Variants in PHACTR4 observed in about 807,000 individuals in gnomAD.
PHACTR4 encodes the protein protein phosphatase 1, regulatory subunit 124.
A neutral mutation model predicts 72.7 loss-of-function variants in PHACTR4; 51 were observed. That is an observed-to-expected ratio of 0.70 (90% CI 0.56 to 0.89). The LOEUF is 0.89. Ranked by LOEUF, PHACTR4 falls within the 40% of genes least tolerant of loss-of-function variation. The pLI is 0.00. For synonymous variants in PHACTR4, 255 were observed against 302.5 expected (o/e 0.84, Z 1.63); for missense variants, 731 against 861.8 (o/e 0.85, Z 1.90).
chr1:28,422,447 G>A (rs980621241), intron 2 of PHACTR4: 6 of 152,116 alleles, frequency 3.9e-5, no homozygotes, highest in African/African-American at 1.4e-4. Flanking sequence ...TTTATATAAG[G>A]GACTTAAACA....
intron 1 of PHACTR4, among the ~76,000 whole-genome samples, chr1:28,380,591 G>C (rs921077814): frequency 6.6e-6 from 1 of 152,134 alleles, no homozygotes; most frequent in South Asian, 2.1e-4. Context: ...TGGAACATGT[G>C]ATATTTGTTT....
In PHACTR4 at chr1:28,466,578, C is replaced by T. The variant is rs1402966704; in HGVS notation, c.633C>T (p.Thr211=). 6.2e-7 allele frequency: 1 copy of T among 1,614,000 alleles called. No homozygotes were observed. Among genetic ancestry groups the T allele is most frequent in the Non-Finnish European group, 8.5e-7 (1 of 1,180,042 alleles). The change falls in exon 6 of 14, where the codon ACC becomes ACT. Residue 211 remains threonine, a synonymous_variant. Coordinates refer to ENST00000373839, the MANE Select transcript of PHACTR4 (RefSeq NM_001048183.3). ...CCATCACCACAGCACCCGCTGCCAC[C>T]ACTGCTGCCACAAGCCTTGCAAAGA... ...STSITTAPAA[T]TAATSLAKTV...
At chr1:28,448,397 G>T (rs1472959857) in intron 2 of PHACTR4, among the ~76,000 whole-genome samples, 1 of 142,972 alleles carries the variant, frequency 7.0e-6, no homozygotes, top group Non-Finnish European at 1.5e-5. Context: ...AAAAAGAAAA[G>T]AAAAGAAAGG....
intron 10 of PHACTR4, chr1:28,489,814 G>A (rs898840675): frequency 1.9e-6 from 1 of 518,844 alleles, no homozygotes; most frequent in African/African-American, 1.9e-5. Context: ...TCCTCACTGA[G>A]AAGGTTTGGG....
At chr1:28,417,047 C>CT (rs796074260) in intron 2 of PHACTR4, among the ~76,000 whole-genome samples, 4 of 146,650 alleles carry the variant, frequency 2.7e-5, no homozygotes, top group African/African-American at 5.0e-5. Context: ...TTTTTTTTTT[C>CT]TTTTTTTTGC....
rs1054105118 is a variant in PHACTR4, at chr1:28,487,724, G to GT, written c.1761-1444dup. Among the ~76,000 whole-genome samples the GT allele has an allele frequency of 3.0e-3, 211 of 71,430 alleles. 4 individuals carry two copies. Among genetic ancestry groups the GT allele is most frequent in the Middle Eastern group, 7.1e-3 (1 of 140 alleles). 46.9% of individuals were successfully genotyped at this position (71,430 alleles called of 152,430 possible). On this transcript the variant is annotated intron_variant, in intron 9 of 13. Transcript: ENST00000373839. ...CAAAAATGACAAATTGTAGTTTTTT[G>GT]TTGTTTTTTTTTTTTTTTTTTTTTT...
intron 2 of PHACTR4, among the ~76,000 whole-genome samples, chr1:28,426,994 G>C (rs929554815): frequency 6.6e-6 from 1 of 151,990 alleles, no homozygotes; most frequent in African/African-American, 2.4e-5. Context: ...CTAAAATGTG[G>C]CTAGTAAAAG....
chr1:28,378,569 G>GCTC (rs1651887367), intron 1 of PHACTR4, among the ~76,000 whole-genome samples: 3 of 63,618 alleles, frequency 4.7e-5, no homozygotes, highest in African/African-American at 1.3e-4. Context: ...TCTCCCCCCA[G>GCTC]CCCCCCCCCC....
At chr1:28,401,300 CTT>C (rs34281484) in intron 1 of PHACTR4, among the ~76,000 whole-genome samples, 34 of 103,010 alleles carry the variant, frequency 3.3e-4, no homozygotes, top group African/African-American at 6.0e-4. Context: ...ACCTGCTTTA[CTT>C]TTTTTTTTTT....
rs745696918 is a variant in PHACTR4 at position 28,491,621 on chromosome 1, G to A, written c.1879-29G>A. On this transcript the variant is annotated intron_variant, in intron 11 of 13. Transcript: ENST00000373839. Reference sequence around the variant, plus strand: ...ATGATTGATGCCTAATTATTGGCTTGGTGAACTAAGAGGCTCCGTTTCCTT... The same window carrying A: ...ATGATTGATGCCTAATTATTGGCTTAGTGAACTAAGAGGCTCCGTTTCCTT... 4 of 1,613,692 alleles carry A rather than the reference G, an allele frequency of 2.5e-6. No homozygotes were observed. In the African/African-American group the frequency reaches 5.3e-5, roughly 22 times the overall value.
chr1:28,410,028 G>A (rs918453052), intron 2 of PHACTR4, among the ~76,000 whole-genome samples: 2 of 130,626 alleles, frequency 1.5e-5, no homozygotes, highest in African/African-American at 2.8e-5. Context: ...GTGCAGTGGG[G>A]TGATCTGGGC....
At position 28,473,702 on chromosome 1, in the gene PHACTR4, G is replaced by A; in HGVS notation, c.972G>A (p.Glu324=). The A allele has an allele frequency of 6.2e-7, 1 of 1,614,128 alleles. No homozygotes were observed. The highest frequency in any genetic ancestry group is 8.5e-7 in the Non-Finnish European group (1 of 1,180,040). The part of the protein sequence containing the change: ...ITTKTPSDER[E]KSTCSMGSEL... Reference sequence around the variant, plus strand: ...CAAAAACACCAAGTGATGAAAGAGAGAAGAGCACGTGTTCTATGGGCTCGG... The same window carrying A: ...CAAAAACACCAAGTGATGAAAGAGAAAAGAGCACGTGTTCTATGGGCTCGG... The change falls in exon 7 of 14, where the codon GAG becomes GAA. Residue 324 remains glutamate, a synonymous_variant. Transcript: ENST00000373839.
At chr1:28,374,686 T>C (rs1344946576) in intron 1 of PHACTR4, among the ~76,000 whole-genome samples, 1 of 152,204 alleles carries the variant, frequency 6.6e-6, no homozygotes, top group Admixed American at 6.6e-5. Context: ...AAGTCTGTTA[T>C]ATTCTAGGCA....
At chr1:28,405,814 C>T (rs987610004) in intron 1 of PHACTR4, among the ~76,000 whole-genome samples, 3 of 151,674 alleles carry the variant, frequency 2.0e-5, no homozygotes, top group Non-Finnish European at 4.4e-5. Flanking sequence ...TCACTTGAAC[C>T]CAGGAGGCAG....
At chr1:28,460,406 A>G in intron 4 of PHACTR4, 114 bp downstream of exon 4, 1 of 739,402 alleles carries the variant, frequency 1.4e-6, no homozygotes, top group Non-Finnish European at 2.2e-6. Flanking sequence ...TTTGGGTTGG[A>G]GGGTGGCCTT....
chr1:28,457,485 C>T (rs1173116130), intron 2 of PHACTR4, among the ~76,000 whole-genome samples: 3 of 151,946 alleles, frequency 2.0e-5, no homozygotes, highest in African/African-American at 7.2e-5. Context: ...TGCTTATAGT[C>T]CTGGCTACTC....
Position 28,407,571 on chromosome 1 carries a change from C to T in PHACTR4, c.16+108C>T, listed in dbSNP as rs191084576. 50 of 869,122 alleles carry T rather than the reference C, an allele frequency of 5.8e-5. No individual in the cohort carries two copies. The African/African-American group carries it at 7.0e-4, about 12-fold the overall frequency. The allele number at this position is 869,122 out of a possible 1,614,324, so 53.8% of individuals were successfully genotyped here. A position where few individuals can be genotyped will look rare whatever the true frequency, so the allele number is the denominator to read the frequency against. ...TTTTTTTCATATTCAGTATGCTACT[C>T]TCTAGAATAATGGGTCTCAAACTTT... is the stretch of plus-strand genomic sequence containing the variant. On this transcript the variant is annotated intron_variant, in intron 2 of 13. Transcript: ENST00000373839.
intron 2 of PHACTR4, among the ~76,000 whole-genome samples, chr1:28,447,191 T>C (rs1211593492): frequency 6.6e-6 from 1 of 151,732 alleles, no homozygotes; most frequent in African/African-American, 2.4e-5. Flanking sequence ...TTTGTATTTT[T>C]AGTAGAGACG....
At chr1:28,375,391 G>C (rs1312567067) in intron 1 of PHACTR4, among the ~76,000 whole-genome samples, 3 of 142,080 alleles carry the variant, frequency 2.1e-5, no homozygotes, top group African/African-American at 7.9e-5. Context: ...TTTATAAAGA[G>C]AGAGGCTGGG....
Sources: allele counts gnomAD v4.1 joint callset (sites outside exome capture counted in the v4.1 genomes callset), GRCh38; gene constraint gnomAD v4.1.1; transcripts MANE v1.5; gene names NCBI Gene and HGNC (gene_info 2026-07-23, HGNC 2026-07-21).